CACNB2: variants seen among roughly 807,000 people sequenced by gnomAD.
CACNB2 encodes calcium voltage-gated channel auxiliary subunit beta 2.
A neutral mutation model predicts 73.3 loss-of-function variants in CACNB2; 42 were observed. That is an observed-to-expected ratio of 0.57 (90% CI 0.45 to 0.74). The LOEUF (loss-of-function observed/expected upper bound fraction) is 0.74. Ranked by LOEUF, CACNB2 falls within the 30% of genes least tolerant of loss-of-function variation. CACNB2 has a pLI of 0.00. For missense variants in CACNB2, 940 were observed against 853.0 expected (o/e 1.10, Z -1.27); for synonymous variants, 348 against 310.3 (o/e 1.12, Z -1.28).
chr10:18,517,920 G>C (rs1220191016), intron 7 of CACNB2, among the ~76,000 whole-genome samples: 1 of 152,172 alleles, frequency 6.6e-6, no homozygotes, highest in African/African-American at 2.4e-5. Flanking sequence ...TCTTTCCTCT[G>C]TAATTAACCA....
At chr10:18,325,097 C>T (rs946227077) in intron 2 of CACNB2, among the ~76,000 whole-genome samples, 1 of 152,262 alleles carries the variant, frequency 6.6e-6, no homozygotes, top group Admixed American at 6.5e-5. Flanking sequence ...GAACTGGGTC[C>T]CCCAGTCATG....
chr10:18,211,707 C>T (rs1205194685), intron 2 of CACNB2, among the ~76,000 whole-genome samples: 1 of 152,208 alleles, frequency 6.6e-6, no homozygotes, highest in Non-Finnish European at 1.5e-5. Context: ...GTGCTGCTCA[C>T]ACCTCTCTTG....
intron 2 of CACNB2, among the ~76,000 whole-genome samples, chr10:18,387,753 T>C (rs1398486516): frequency 6.6e-6 from 1 of 151,682 alleles, no homozygotes; most frequent in Admixed American, 6.6e-5. Flanking sequence ...GAGCCATTTC[T>C]TTCTCTCTTT....
rs563860076 is a variant in CACNB2 at position 18,527,776 on chromosome 10, A to G, written c.1054+79A>G. Reference sequence around the variant, plus strand: ...TGATGAGAAGACCTAACAAGATGATAATTCCATGTGTCACAGAGTATAGAA... The same window carrying G: ...TGATGAGAAGACCTAACAAGATGATGATTCCATGTGTCACAGAGTATAGAA... On this transcript the variant is annotated intron_variant, in intron 10 of 13. Transcript: ENST00000324631. 91 of 909,202 alleles carry G rather than the reference A, an allele frequency of 1.0e-4. No individual in the cohort carries two copies. The African/African-American group carries it at 1.3e-3, about 13-fold the overall frequency. The allele number at this position is 909,202 out of a possible 1,614,324, so 56.3% of individuals were successfully genotyped here.
chr10:18,523,652 A>AACAAG (rs2052150193), intron 9 of CACNB2, among the ~76,000 whole-genome samples: 1 of 152,190 alleles, frequency 6.6e-6, no homozygotes, highest in African/African-American at 2.4e-5. Flanking sequence ...GTACAAATTT[A>AACAAG]ACATTTTTAC....
In CACNB2 at chr10:18,502,714, A is replaced by ACC. The variant is rs1244928299; in HGVS notation, c.593+1766_593+1767insCC. Among the ~76,000 whole-genome samples the ACC allele has an allele frequency of 1.1e-4, 7 of 61,156 alleles. 1 individual carries two copies. The highest frequency in any genetic ancestry group is 2.5e-4 in the African/African-American group (4 of 16,076). The allele number at this position is 61,156 out of a possible 152,430, so 40.1% of individuals were successfully genotyped here. A position where few individuals can be genotyped will look rare whatever the true frequency, so the allele number is the denominator to read the frequency against. ...CAAAAAAAAAAAAAAAAAAAAAAAA[A>ACC]AAAAAAAAAACCGCATGTTTTTACT... On this transcript the variant is annotated intron_variant, in intron 5 of 13. Coordinates refer to ENST00000324631, the MANE Select transcript of CACNB2 (RefSeq NM_201596.3).
intron 2 of CACNB2, among the ~76,000 whole-genome samples, chr10:18,343,328 G>A (rs2041309758): frequency 6.6e-6 from 1 of 151,392 alleles, no homozygotes; most frequent in South Asian, 2.1e-4. Flanking sequence ...TATTATTATT[G>A]TTACCCGTAA....
chr10:18,159,270 G>A (rs1278916553), intron 2 of CACNB2, among the ~76,000 whole-genome samples: 1 of 152,158 alleles, frequency 6.6e-6, no homozygotes, highest in Non-Finnish European at 1.5e-5. Context: ...CGTATAGCCC[G>A]GACTCGCGAA....
At chr10:18,274,193 A>G (rs1417764959) in intron 2 of CACNB2, among the ~76,000 whole-genome samples, 1 of 150,636 alleles carries the variant, frequency 6.6e-6, no homozygotes, top group Non-Finnish European at 1.5e-5. Flanking sequence ...AATCAACCCG[A>G]CTACTTATTT....
chr10:18,280,986 G>C (rs1314136477), intron 2 of CACNB2, among the ~76,000 whole-genome samples: 1 of 152,150 alleles, frequency 6.6e-6, no homozygotes, highest in African/African-American at 2.4e-5. Context: ...ACACAGATTA[G>C]GAAACAGCTT....
chr10:18,218,976 C>G (rs544432243), intron 2 of CACNB2, among the ~76,000 whole-genome samples: 2 of 152,272 alleles, frequency 1.3e-5, no homozygotes, highest in South Asian at 2.1e-4. Context: ...CCGGCCTGGG[C>G]AACATGGAGA....
At chr10:18,258,552 C>T (rs185674141) in intron 2 of CACNB2, among the ~76,000 whole-genome samples, 1 of 152,050 alleles carries the variant, frequency 6.6e-6, no homozygotes, top group African/African-American at 2.4e-5. Context: ...GTGGTGAAAC[C>T]CCATCTCTAC....
intron 2 of CACNB2, among the ~76,000 whole-genome samples, chr10:18,307,898 C>G (rs894506204): frequency 5.4e-5 from 8 of 148,942 alleles, no homozygotes; most frequent in African/African-American, 1.7e-4. Context: ...TTTCATTTTT[C>G]TGCGAGTAGC....
intron 2 of CACNB2, among the ~76,000 whole-genome samples, chr10:18,225,851 G>T (rs368671476): frequency 6.6e-6 from 1 of 152,102 alleles, no homozygotes; most frequent in South Asian, 2.1e-4. Context: ...TGTTGCTCAG[G>T]CTGGTCTCCA....
At chr10:18,365,667 G>A (rs997518626) in intron 2 of CACNB2, among the ~76,000 whole-genome samples, 1 of 152,150 alleles carries the variant, frequency 6.6e-6, no homozygotes, top group Non-Finnish European at 1.5e-5. Flanking sequence ...TAAATATTTT[G>A]CTGAAATATT....
intron 6 of CACNB2, among the ~76,000 whole-genome samples, chr10:18,511,462 G>C (rs2050779465): frequency 6.6e-6 from 1 of 152,198 alleles, no homozygotes; most frequent in African/African-American, 2.4e-5. Flanking sequence ...TCCATCCTTT[G>C]AAAAGGTTAG....
intron 2 of CACNB2, among the ~76,000 whole-genome samples, chr10:18,219,786 T>C (rs1263709746): frequency 2.1e-5 from 3 of 140,564 alleles, no homozygotes; most frequent in Non-Finnish European, 3.0e-5. Context: ...TTTTTTTTTT[T>C]TGAGACAGAG....
intron 2 of CACNB2, among the ~76,000 whole-genome samples, chr10:18,303,536 A>G (rs1354392320): frequency 6.6e-6 from 1 of 152,136 alleles, no homozygotes; most frequent in Non-Finnish European, 1.5e-5. Flanking sequence ...AAAGGGAGAA[A>G]AAAGAAACAC....
intron 2 of CACNB2, among the ~76,000 whole-genome samples, chr10:18,222,615 A>T (rs2035838032): frequency 6.6e-6 from 1 of 152,178 alleles, no homozygotes; most frequent in Non-Finnish European, 1.5e-5. Context: ...AAAAACTGGC[A>T]TTGGATTCAA....
Sources: allele counts gnomAD v4.1 joint callset (sites outside exome capture counted in the v4.1 genomes callset), GRCh38; gene constraint gnomAD v4.1.1; transcripts MANE v1.5; gene names NCBI Gene and HGNC (gene_info 2026-07-23, HGNC 2026-07-21).